The following PAFAH1B1 variants were observed in gnomAD, a reference collection of about 807,000 sequenced individuals.
PAFAH1B1 encodes the protein platelet-activating factor acetylhydrolase IB subunit beta.
A neutral mutation model predicts 57.5 loss-of-function variants in PAFAH1B1; 2 were observed. That is an observed-to-expected ratio of 0.03 (90% CI 0.01 to 0.11). PAFAH1B1 has a LOEUF of 0.11. Ranked by LOEUF, PAFAH1B1 falls within the 10% of genes least tolerant of loss-of-function variation. The probability of loss-of-function intolerance (pLI) is 1.00; values close to 1 mark genes in which losing one functional copy is unlikely to be tolerated. For missense variants in PAFAH1B1, 257 were observed against 512.0 expected (o/e 0.50, Z 4.81); for synonymous variants, 152 against 169.6 (o/e 0.90, Z 0.81).
chr17:2,628,917 G>T (rs901668095), intron 1 of PAFAH1B1, among the ~76,000 whole-genome samples: 2 of 152,138 alleles, frequency 1.3e-5, no homozygotes, highest in African/African-American at 4.8e-5. Flanking sequence ...TTGTATTTCT[G>T]TGGTGTCAGT....
intron 9 of PAFAH1B1, among the ~76,000 whole-genome samples, chr17:2,677,596 T>G (rs1386691689): frequency 6.6e-6 from 1 of 152,248 alleles, no homozygotes. Flanking sequence ...GGCTCACGCC[T>G]GTAATCCCCG....
intron 1 of PAFAH1B1, among the ~76,000 whole-genome samples, chr17:2,628,331 C>G (rs959723377): frequency 2.0e-5 from 3 of 152,092 alleles, no homozygotes; most frequent in Non-Finnish European, 4.4e-5. Context: ...TTGAGATGAT[C>G]ATGTGGTTTT....
At chr17:2,671,302 A>G (rs1043264342) in intron 6 of PAFAH1B1, among the ~76,000 whole-genome samples, 2 of 151,614 alleles carry the variant, frequency 1.3e-5, no homozygotes, top group East Asian at 1.9e-4. Flanking sequence ...TCCGCCTCCC[A>G]GGTTTAAGTG....
chr17:2,623,261 CTT>C (rs376810275), intron 1 of PAFAH1B1, among the ~76,000 whole-genome samples: 31,701 of 104,084 alleles, frequency 0.3, 4,253 homozygotes, highest in Middle Eastern at 0.37. Flanking sequence ...TTTTTCCTTT[CTT>C]TTTTTTTTTT....
chr17:2,632,582 A>G (rs867028014), intron 1 of PAFAH1B1, among the ~76,000 whole-genome samples: 6 of 152,118 alleles, frequency 3.9e-5, no homozygotes, highest in African/African-American at 7.2e-5. Context: ...GGCCCTCTGT[A>G]TCTGTGGGTT....
At chr17:2,667,531 G>T in intron 5 of PAFAH1B1, 1 of 325,666 alleles carries the variant, frequency 3.1e-6, no homozygotes, top group Non-Finnish European at 6.0e-6. Context: ...GAGAAAGTCG[G>T]GTGTCACTAA....
chr17:2,645,461 C>T lies in PAFAH1B1; in HGVS notation c.32+7141C>T, dbSNP rs941767074. ...TGCAAAAATTAGCTGGGCGTGATAG[C>T]GCATGCCTGTAATCCCAGCTAGTCG... is the stretch of plus-strand genomic sequence containing the variant. On this transcript the variant is annotated intron_variant, in intron 2 of 10. Transcript: ENST00000397195. Among the ~76,000 whole-genome samples the T allele has an allele frequency of 6.6e-5, 10 of 151,498 alleles. No individual in the cohort carries two copies. In the South Asian group the frequency reaches 1.2e-3, roughly 19 times the overall value.
chr17:2,680,051 T>G, intron 9 of PAFAH1B1, 113 bp from the exon 10 acceptor site: 1 of 978,188 alleles, frequency 1.0e-6, no homozygotes, highest in Non-Finnish European at 1.6e-6. Flanking sequence ...TAGACTTTTA[T>G]TTTCTTCTGG....
At chr17:2,599,938 A>C (rs999147878) in intron 1 of PAFAH1B1, among the ~76,000 whole-genome samples, 2 of 151,722 alleles carry the variant, frequency 1.3e-5, no homozygotes, top group Non-Finnish European at 2.9e-5. Context: ...ATGTTTATTA[A>C]AATTTTACAG....
intron 1 of PAFAH1B1, among the ~76,000 whole-genome samples, chr17:2,625,727 AC>A (rs2068481350): frequency 6.6e-6 from 1 of 152,126 alleles, no homozygotes; most frequent in Non-Finnish European, 1.5e-5. Flanking sequence ...GGAATTAAAG[AC>A]CAGCCTAGGC....
intron 1 of PAFAH1B1, among the ~76,000 whole-genome samples, chr17:2,624,924 G>A (rs909229331): frequency 5.3e-5 from 8 of 152,124 alleles, no homozygotes; most frequent in African/African-American, 1.9e-4. Flanking sequence ...TACCGGATAA[G>A]TCTTTATTTC....
At chr17:2,656,554 A>G (rs983953489) in intron 2 of PAFAH1B1, among the ~76,000 whole-genome samples, 1 of 152,176 alleles carries the variant, frequency 6.6e-6, no homozygotes, top group African/African-American at 2.4e-5. Flanking sequence ...TCCTAATTCT[A>G]AAAATATAAA....
rs1226930171 is a variant in PAFAH1B1, at chr17:2,685,485, A to C, written c.*3683A>C. ...AAAAAATCAGTAAAGGAATGTATAT[A>C]ATATTGCTCTCGTGTTTTACAGTAA... is the stretch of plus-strand genomic sequence containing the variant. On this transcript the variant is annotated 3_prime_UTR_variant, in exon 11 of 11. Coordinates refer to ENST00000397195, the MANE Select transcript of PAFAH1B1 (RefSeq NM_000430.4). 1 of 152,634 alleles carries C rather than the reference A, an allele frequency of 6.6e-6. No homozygotes were observed. Among genetic ancestry groups the C allele is most frequent in the Non-Finnish European group, 1.5e-5 (1 of 68,040 alleles). The allele number at this position is 152,634 out of a possible 1,614,324, so 9.5% of individuals were successfully genotyped here.
At chr17:2,652,291 T>C in intron 2 of PAFAH1B1, among the ~76,000 whole-genome samples, 1 of 151,486 alleles carries the variant, frequency 6.6e-6, no homozygotes, top group South Asian at 2.1e-4. Flanking sequence ...GGCGGGTGCC[T>C]GTAGTCCCAG....
At chr17:2,594,106 C>T (rs911961641) in intron 1 of PAFAH1B1, 100 bp downstream of exon 1, 1 of 395,340 alleles carries the variant, frequency 2.5e-6, no homozygotes. Flanking sequence ...CTGCGCCGGT[C>T]CCCTCCCTCC....
At chr17:2,675,010 T>C (rs896782587) in intron 8 of PAFAH1B1, among the ~76,000 whole-genome samples, 5 of 152,156 alleles carry the variant, frequency 3.3e-5, no homozygotes, top group African/African-American at 9.7e-5. Context: ...TCTAAAACTT[T>C]TGTTTGTTTT....
rs1219476955 is a variant in PAFAH1B1, at chr17:2,682,943, G to T, written c.*1141G>T. On this transcript the variant is annotated 3_prime_UTR_variant, in exon 11 of 11. Transcript: ENST00000397195. ...GGCCTATCTGTAAGTGGATAAGTCT[G>T]TATGTGTGTATCATACACATCAACC... 3 of 152,742 alleles carry T rather than the reference G, an allele frequency of 2.0e-5. No individual in the cohort carries two copies. In the East Asian group the frequency reaches 5.8e-4, roughly 29 times the overall value. The allele number at this position is 152,742 out of a possible 1,614,324, so 9.5% of individuals were successfully genotyped here. A position where few individuals can be genotyped will look rare whatever the true frequency, so the allele number is the denominator to read the frequency against.
At chr17:2,632,658 A>G (rs2068569984) in intron 1 of PAFAH1B1, among the ~76,000 whole-genome samples, 1 of 152,212 alleles carries the variant, frequency 6.6e-6, no homozygotes, top group South Asian at 2.1e-4. Context: ...CTGAATATAT[A>G]CAGACTTTTA....
chr17:2,672,810 C>A, intron 7 of PAFAH1B1, 53 bp downstream of exon 7: 1 of 1,150,042 alleles, frequency 8.7e-7, no homozygotes, highest in Non-Finnish European at 1.3e-6. Context: ...TGGCTCACAC[C>A]TGTCATCCCA....
Sources: allele counts gnomAD v4.1 joint callset (sites outside exome capture counted in the v4.1 genomes callset), GRCh38; gene constraint gnomAD v4.1.1; transcripts MANE v1.5; gene names NCBI Gene and HGNC (gene_info 2026-07-23, HGNC 2026-07-21).